Variants in LIMS2 observed in about 807,000 individuals in gnomAD.
The protein encoded by LIMS2 is LIM and senescent cell antigen-like-containing domain protein 2.
Under a neutral mutation model 45.3 loss-of-function variants are expected in LIMS2, and 30 were observed. That is an observed-to-expected ratio of 0.66 (90% CI 0.50 to 0.90). LIMS2 has a LOEUF of 0.90. Ranked by LOEUF, LIMS2 falls within the 40% of genes least tolerant of loss-of-function variation. The pLI is 0.00. For missense variants in LIMS2, 485 were observed against 468.7 expected (o/e 1.03, Z -0.32); for synonymous variants, 173 against 188.0 (o/e 0.92, Z 0.65).
chr2:127,644,228 C>T (rs1242067302), intron 4 of LIMS2: 2 of 402,548 alleles, frequency 5.0e-6, no homozygotes, highest in African/African-American at 2.1e-5. Flanking sequence ...CCCCAAGACC[C>T]TATGTGCCCA....
Position 127,643,028 on chromosome 2 carries a change from A to G in LIMS2, c.404T>C (p.Leu135Pro), listed in dbSNP as rs1183186741. 1 of 1,588,456 alleles carries G rather than the reference A, an allele frequency of 6.3e-7. No individual in the cohort carries two copies. Among genetic ancestry groups the G allele is most frequent in the South Asian group, 1.1e-5 (1 of 86,986 alleles). The change falls in exon 5 of 10, where the codon CTG (leucine) becomes CCG (proline). Residue 135 changes from leucine to proline, a missense_variant. Coordinates refer to ENST00000355119, the MANE Select transcript of LIMS2 (RefSeq NM_001161403.3). ...GCACCGCTGGCAGATGTACTTGCCC[A>G]GGCCCTTGGCCTTCTCACGGTTGTG... is the stretch of plus-strand genomic sequence containing the variant. ...PCHNREKAKG[L>P]GKYICQRCHL...
At chr2:127,651,980 C>T in intron 4 of LIMS2, 1 of 590,332 alleles carries the variant, frequency 1.7e-6, no homozygotes, top group Non-Finnish European at 3.1e-6. Flanking sequence ...TACAATGGCT[C>T]CTAGACACTC....
chr2:127,673,830 G>A (rs1051913133), intron 1 of LIMS2: 18 of 1,216,938 alleles, frequency 1.5e-5, no homozygotes, highest in East Asian at 2.6e-5. Flanking sequence ...CCTAGGGGGT[G>A]ACCACAGGCA....
chr2:127,668,149 A>G (rs190731920), intron 1 of LIMS2, among the ~76,000 whole-genome samples: 1 of 152,326 alleles, frequency 6.6e-6, no homozygotes, highest in African/African-American at 2.4e-5. Context: ...TGAAATTATA[A>G]AACATTATTG....
At chr2:127,679,077 C>T (rs1343326794), upstream of LIMS2, among the ~76,000 whole-genome samples, 3 of 151,982 alleles carry the variant, frequency 2.0e-5, no homozygotes, top group Non-Finnish European at 2.9e-5. This position sits in a 1 kb window ranked among gnomAD's most constrained non-coding sequence, Gnocchi z 5.3. Flanking sequence ...AGGAGGTGCG[C>T]CACTGCCCCG....
At chr2:127,645,403 T>C (rs980931253) in intron 4 of LIMS2, among the ~76,000 whole-genome samples, 2 of 152,192 alleles carry the variant, frequency 1.3e-5, no homozygotes, top group African/African-American at 4.8e-5. Context: ...GAAATGAACT[T>C]TGTTCACTCA....
rs1041592626 is a variant in LIMS2 at position 127,664,784 on chromosome 2, G to A, written c.12-7222C>T. ...CTGTGCCCGTGGACACACTGAGGAG[G>A]GCAGAGTCAGCTGAGGAGGACAGGG... On this transcript the variant is annotated intron_variant, in intron 1 of 9. Transcript: ENST00000355119. This position sits in a 1 kb window ranked among gnomAD's most constrained non-coding sequence, Gnocchi z 5.5. Among the ~76,000 whole-genome samples, 4 of 152,182 alleles carry A rather than the reference G, an allele frequency of 2.6e-5. No homozygotes were observed. The highest frequency in any genetic ancestry group is 4.4e-5 in the Non-Finnish European group (3 of 68,026).
At chr2:127,679,453 G>A (rs1685568721), upstream of LIMS2, among the ~76,000 whole-genome samples, 1 of 150,914 alleles carries the variant, frequency 6.6e-6, no homozygotes, top group Admixed American at 6.6e-5. This position sits in a 1 kb window ranked among gnomAD's most constrained non-coding sequence, Gnocchi z 5.3. Context: ...GGGGGACAGT[G>A]GGGCTCTGAG....
At chr2:127,661,491 T>G (rs1195376210) in intron 1 of LIMS2, among the ~76,000 whole-genome samples, 1 of 152,214 alleles carries the variant, frequency 6.6e-6, no homozygotes, top group Non-Finnish European at 1.5e-5. Flanking sequence ...GTCAGAGACG[T>G]GGACATTCCA....
At position 127,639,337 on chromosome 2, in the gene LIMS2, A is replaced by G; in HGVS notation, c.970T>C (p.Ser324Pro). 6.2e-7 allele frequency: 1 copy of G among 1,613,934 alleles called. No individual in the cohort carries two copies. Among genetic ancestry groups the G allele is most frequent in the South Asian group, 1.1e-5 (1 of 91,084 alleles). The change falls in exon 10 of 10, where the codon TCG (serine) becomes CCG (proline). Residue 324 changes from serine (S) to proline (P), a missense_variant. Physicochemically the swap from Ser to Pro is moderately conservative, Grantham distance 74. Transcript: ENST00000355119. ...TGGGCCTTGCGGGAGGTCAGCTCCG[A>G]CAGCTTCTTCAGCCGCTTCTTCAGC... The part of the protein sequence containing the change: ...LELKKRLKKL[S>P]ELTSRKAQPK...
rs374565625 is a variant in LIMS2, at chr2:127,638,524, A to AAGTC, written c.*753_*756dup. The stretch of plus-strand genomic sequence containing the variant: ...AAGCGTCCTCCCTGGAGGTGGGAAC[A>AAGTC]AGTCACCTCTGACCACACCTCCTCT... On this transcript the variant is annotated 3_prime_UTR_variant, in exon 10 of 10. Transcript: ENST00000355119. 3 of 152,620 alleles carry AAGTC rather than the reference A, an allele frequency of 2.0e-5. No homozygotes were observed. Among genetic ancestry groups the AAGTC allele is most frequent in the African/African-American group, 7.2e-5 (3 of 41,440 alleles). The allele number at this position is 152,620 out of a possible 1,614,324, so 9.5% of individuals were successfully genotyped here.
At position 127,657,413 on chromosome 2, in the gene LIMS2, A is replaced by T; in HGVS notation, c.161T>A (p.Leu54His). The T allele has an allele frequency of 6.2e-7, 1 of 1,613,814 alleles. No individual in the cohort carries two copies. Among genetic ancestry groups the T allele is most frequent in the Middle Eastern group, 1.7e-4 (1 of 6,060 alleles). The change falls in exon 2 of 10, where the codon CTC becomes CAC. Residue 54 changes from leucine to histidine, a missense_variant. By Grantham distance (99) the Leu-to-His change is moderately conservative. Transcript: ENST00000355119. Reference sequence around the variant, plus strand: ...CAGTAGTGTCCTCACCTCATAGAAGAGCCCCTCGGGGAAGGGCCGGAAGCA... The same window carrying T: ...CAGTAGTGTCCTCACCTCATAGAAGTGCCCCTCGGGGAAGGGCCGGAAGCA... ...AQCFRPFPEG[L>H]FYEFEGRKYC...
At position 127,642,915 on chromosome 2, in the gene LIMS2, G is replaced by A. The variant is rs775246782; in HGVS notation, c.509+8C>T. ...CCCCACAACTGCAGGGCCGGGCTGC[G>A]CACCTACCCACAGTGGGTGCAGTTG... On this transcript the variant is annotated splice_region_variant and intron_variant, in intron 5 of 9. Transcript: ENST00000355119. The surrounding 1 kb of genome is among the most constrained non-coding windows in gnomAD (Gnocchi z 5.3). 149 of 1,557,930 alleles carry A rather than the reference G, an allele frequency of 9.6e-5. No homozygotes were observed. The highest frequency in any genetic ancestry group is 1.2e-4 in the Non-Finnish European group (140 of 1,150,942).
At chr2:127,649,931 C>T in intron 4 of LIMS2, 1 of 1,214,682 alleles carries the variant, frequency 8.2e-7, no homozygotes, top group Non-Finnish European at 1.2e-6. Context: ...GGTGGATCTA[C>T]TCTGGGAGAG....
Position 127,675,488 on chromosome 2 carries a change from C to A in LIMS2, c.-464G>T, listed in dbSNP as rs1685473438. 3.3e-5 allele frequency among the ~76,000 whole-genome samples: 5 copies of A among 151,936 alleles called. No individual in the cohort carries two copies. The highest frequency in any genetic ancestry group is 3.3e-4 in the Admixed American group (5 of 15,266). ...GACACGGAGCGCGGCCAGCGGCGGG[C>A]GCGGGTCAAGTCCTTCCCAACCCGG... On this transcript the variant is annotated 5_prime_UTR_variant, in exon 1 of 10. Transcript: ENST00000355119.
chr2:127,657,379 G>A, intron 2 of LIMS2, 24 bp downstream of exon 2: 1 of 1,613,472 alleles, frequency 6.2e-7, no homozygotes, highest in Non-Finnish European at 8.5e-7. Flanking sequence ...CTGGGTCTGA[G>A]AAAGCCCTCA....
chr2:127,642,170 A>G lies in LIMS2; in HGVS notation c.539T>C (p.Leu180Pro), dbSNP rs1682491108. 5.7e-6 allele frequency: 9 copies of G among 1,577,210 alleles called. No individual in the cohort carries two copies. Among genetic ancestry groups the G allele is most frequent in the Middle Eastern group, 1.7e-4 (1 of 5,894 alleles). ...GGGCAGGCAGTAGAGCTCACCCTTC[A>G]GCTCGCGGGCCTCGGCTGTCAGCTC... ...GKELTAEARE[L>P]KGELYCLPCH... Residue 180 changes from leucine to proline, a missense_variant, in exon 6 of 10, where the codon CTG (leucine) becomes CCG (proline). Transcript: ENST00000355119. The surrounding 1 kb of genome is among the most constrained non-coding windows in gnomAD (Gnocchi z 5.3).
At chr2:127,659,239 T>A (rs1684461027) in intron 1 of LIMS2, among the ~76,000 whole-genome samples, 1 of 152,224 alleles carries the variant, frequency 6.6e-6, no homozygotes, top group Non-Finnish European at 1.5e-5. Context: ...TTTCTGGGCA[T>A]GCTGGGCTTC....
rs573663053 is a variant in LIMS2, at chr2:127,667,904, A to G, written c.11+7110T>C. On this transcript the variant is annotated intron_variant, in intron 1 of 9. Coordinates refer to ENST00000355119, the MANE Select transcript of LIMS2 (RefSeq NM_001161403.3). This position sits in a 1 kb window ranked among gnomAD's most constrained non-coding sequence, Gnocchi z 4.1. ...GAAGAGTAAAACTATTTTTATTTAC[A>G]TATTACATACTCATATATAGAAAAC... Among the ~76,000 whole-genome samples the G allele has an allele frequency of 6.6e-6, 1 of 152,364 alleles. No individual in the cohort carries two copies. The highest frequency in any genetic ancestry group is 6.5e-5 in the Admixed American group (1 of 15,308).
Sources: allele counts gnomAD v4.1 joint callset (sites outside exome capture counted in the v4.1 genomes callset), GRCh38; gene constraint gnomAD v4.1.1; non-coding constraint Gnocchi (gnomAD v3.1); transcripts MANE v1.5; gene names NCBI Gene and HGNC (gene_info 2026-07-23, HGNC 2026-07-21).